The following ENTREP2 variants were observed in gnomAD, a reference collection of about 807,000 sequenced individuals.
The protein encoded by ENTREP2 is endosomal transmembrane epsin interactor 2, also known as protein ENTREP2.
the ENTREP2 span, among the ~76,000 whole-genome samples, chr15:29,555,380 C>T: frequency 1.3e-5 from 2 of 152,136 alleles, no homozygotes; most frequent in Non-Finnish European, 2.9e-5. Context: ...GCTACTAGAC[C>T]GGACAAGGTT....
At chr15:29,399,270 T>C in the ENTREP2 span, among the ~76,000 whole-genome samples, 1 of 152,192 alleles carries the variant, frequency 6.6e-6, no homozygotes, top group African/African-American at 2.4e-5. Context: ...CAGGACCCAA[T>C]TAAAACACTC....
chr15:29,279,952 T>C, the ENTREP2 span, among the ~76,000 whole-genome samples: 35 of 151,530 alleles, frequency 2.3e-4, no homozygotes, highest in Non-Finnish European at 5.9e-5. Flanking sequence ...AAAAAAAAAA[T>C]GAGGTATTGC....
the ENTREP2 span, among the ~76,000 whole-genome samples, chr15:29,219,200 CAT>C: frequency 1.3e-5 from 2 of 151,740 alleles, no homozygotes; most frequent in Non-Finnish European, 2.9e-5. Context: ...GGCCAAGAAA[CAT>C]ATGAAAAAAT....
the ENTREP2 span, among the ~76,000 whole-genome samples, chr15:29,224,244 G>A: frequency 6.6e-6 from 1 of 152,114 alleles, no homozygotes. Context: ...CGGTGGGTTC[G>A]TGGTCTCACT....
the ENTREP2 span, among the ~76,000 whole-genome samples, chr15:29,399,758 G>A: frequency 1.7e-3 from 266 of 152,242 alleles, 9 homozygotes; most frequent in Admixed American, 0.017. Context: ...TTTGGATGTC[G>A]TATGTACTAT....
the ENTREP2 span, among the ~76,000 whole-genome samples, chr15:29,271,933 T>C: frequency 1.3e-5 from 2 of 152,126 alleles, no homozygotes; most frequent in African/African-American, 4.8e-5. Context: ...TAAAAGCTAT[T>C]GTCAACAGTT....
chr15:29,606,990 C>T, the ENTREP2 span, among the ~76,000 whole-genome samples: 1 of 152,060 alleles, frequency 6.6e-6, no homozygotes, highest in Non-Finnish European at 1.5e-5. Context: ...CAAGCCACCA[C>T]ACCCAGCTAA....
the ENTREP2 span, among the ~76,000 whole-genome samples, chr15:29,433,117 C>T: frequency 6.6e-6 from 1 of 152,180 alleles, no homozygotes. Flanking sequence ...CCTGGGCCAG[C>T]CCCCGACGGT....
chr15:29,655,889 G>T, the ENTREP2 span, among the ~76,000 whole-genome samples: 2 of 152,002 alleles, frequency 1.3e-5, no homozygotes, highest in Admixed American at 1.3e-4. Context: ...GCTGGGTGCA[G>T]CGGTGCATGC....
chr15:29,269,895 A>T, the ENTREP2 span: 22 of 534,782 alleles, frequency 4.1e-5, no homozygotes, highest in Non-Finnish European at 6.0e-5. Context: ...TGCGGCGGGT[A>T]CCAAAAGGAA....
chr15:29,181,850 A>G, the ENTREP2 span, among the ~76,000 whole-genome samples: 1 of 152,216 alleles, frequency 6.6e-6, no homozygotes, highest in African/African-American at 2.4e-5. Context: ...AATATTTAGT[A>G]TTAGAAATTT....
the ENTREP2 span, among the ~76,000 whole-genome samples, chr15:29,378,493 T>C: frequency 6.6e-6 from 1 of 152,190 alleles, no homozygotes; most frequent in Non-Finnish European, 1.5e-5. Flanking sequence ...AAGTTTTAAG[T>C]AGACCTTGAA....
the ENTREP2 span, among the ~76,000 whole-genome samples, chr15:29,649,171 A>T: frequency 6.6e-6 from 1 of 152,036 alleles, no homozygotes; most frequent in Non-Finnish European, 1.5e-5. Flanking sequence ...AGAGAGGCCT[A>T]AAAAAAGGGA....
chr15:29,623,452 C>CA, the ENTREP2 span, among the ~76,000 whole-genome samples: 2 of 152,136 alleles, frequency 1.3e-5, no homozygotes, highest in Admixed American at 6.5e-5. Flanking sequence ...GGTTTAGACA[C>CA]AGAGTTAGGT....
the ENTREP2 span, among the ~76,000 whole-genome samples, chr15:29,389,636 T>C: frequency 6.6e-6 from 1 of 152,158 alleles, no homozygotes; most frequent in Non-Finnish European, 1.5e-5. Context: ...CACAGCACAG[T>C]AGAAATCCCA....
the ENTREP2 span, among the ~76,000 whole-genome samples, chr15:29,146,423 G>A: frequency 1.3e-5 from 2 of 152,186 alleles, no homozygotes; most frequent in Admixed American, 6.5e-5. Context: ...TACAGCAATC[G>A]AAACCATGTG....
At chr15:29,318,900 C>T in the ENTREP2 span, among the ~76,000 whole-genome samples, 1 of 152,192 alleles carries the variant, frequency 6.6e-6, no homozygotes, top group Non-Finnish European at 1.5e-5. Flanking sequence ...TGCTCCCTTT[C>T]TCCAGGAACA....
the ENTREP2 span, among the ~76,000 whole-genome samples, chr15:29,619,038 G>A: frequency 6.6e-6 from 1 of 152,216 alleles, no homozygotes; most frequent in Admixed American, 6.5e-5. Flanking sequence ...GGGCCCATTT[G>A]AGTTTTGAAG....
At chr15:29,377,130 C>A in the ENTREP2 span, among the ~76,000 whole-genome samples, 2 of 151,636 alleles carry the variant, frequency 1.3e-5, no homozygotes, top group African/African-American at 4.9e-5. Context: ...GAAAAAAAAA[C>A]AAATCATTAG....
Sources: gnomAD v4.1 joint callset for allele counts (sites outside exome capture counted in the v4.1 genomes callset) on GRCh38, gnomAD v4.1.1 for gene constraint, MANE v1.5 for transcripts, NCBI Gene and HGNC (gene_info 2026-07-23, HGNC 2026-07-21) for gene names.